COL9A3: variants seen among roughly 807,000 people sequenced by gnomAD.
COL9A3 encodes the protein collagen type IX alpha 3 chain, also known as collagen alpha-3(IX) chain.
In COL9A3, 82 loss-of-function variants were observed where a neutral mutation model predicts 110.2. The observed-to-expected ratio is 0.74, with a 90% CI of 0.62 to 0.89. The LOEUF (loss-of-function observed/expected upper bound fraction) is 0.89, where lower values mean the gene tolerates loss of function less well. COL9A3 is among the 40% of genes least tolerant of loss of function. The pLI is 0.00. For synonymous variants in COL9A3, 494 were observed against 403.8 expected (o/e 1.22, Z -2.68); for missense variants, 1,066 against 981.3 (o/e 1.09, Z -1.15).
chr20:62,819,317 C>A (rs780852369), intron 4 of COL9A3, 24 bp downstream of exon 4: 11 of 1,597,420 alleles, frequency 6.9e-6, no homozygotes, highest in Non-Finnish European at 9.4e-6. Flanking sequence ...CCCCTCCCCG[C>A]CATGCCCCAC....
chr20:62,817,697 C>T (rs1990980733), intron 2 of COL9A3, 62 bp downstream of exon 2: 3 of 1,130,752 alleles, frequency 2.7e-6, no homozygotes, highest in African/African-American at 3.2e-5. Context: ...CCCCCACCTC[C>T]CTGAGCTCCC....
At chr20:62,817,326 G>A in intron 1 of COL9A3, 184 bp downstream of exon 1, 1 of 504,122 alleles carries the variant, frequency 2.0e-6, no homozygotes, top group African/African-American at 2.0e-5. Flanking sequence ...GTCCTCGCTG[G>A]CCCGGGTCGG....
At position 62,828,805 on chromosome 20, in the gene COL9A3, C is replaced by T. The variant is rs771846276; in HGVS notation, c.942C>T (p.Leu314=). The stretch of plus-strand genomic sequence containing the variant: ...ACGGCCAGAATGGCGTGCCAGGACT[C>T]GATGGCCAGAAGGTTGGCATGGGGC... The part of the protein sequence containing the change: ...GKDGQNGVPG[L]DGQKGEAGRN... The change falls in exon 18 of 32, where the codon CTC becomes CTT. Residue 314 remains leucine, a synonymous_variant. Transcript: ENST00000649368. The T allele has an allele frequency of 2.5e-5, 40 of 1,612,678 alleles. No individual in the cohort carries two copies. Among genetic ancestry groups the T allele is most frequent in the Non-Finnish European group, 2.5e-5 (30 of 1,179,918 alleles).
intron 5 of COL9A3, among the ~76,000 whole-genome samples, chr20:62,820,347 T>TCA (rs1991079292): frequency 6.6e-6 from 1 of 152,086 alleles, no homozygotes; most frequent in Non-Finnish European, 1.5e-5. Flanking sequence ...CCCCTGTGCC[T>TCA]GCCTGTTGGA....
At chr20:62,816,993 G>A (rs1990942740), upstream of COL9A3, 2 of 920,204 alleles carry the variant, frequency 2.2e-6, no homozygotes. Flanking sequence ...AAGGGGAAGG[G>A]GCCGCCCACC....
At chr20:62,831,948 G>T in intron 24 of COL9A3, 1 of 643,170 alleles carries the variant, frequency 1.6e-6, no homozygotes. Flanking sequence ...TACCCACAAG[G>T]GGAGGCTGGA....
chr20:62,836,841 T>C, intron 29 of COL9A3: 1 of 645,770 alleles, frequency 1.5e-6, no homozygotes, highest in Non-Finnish European at 2.7e-6. Flanking sequence ...GCAGGGCAGG[T>C]CCCTAAACAC....
At chr20:62,836,954 C>A in intron 29 of COL9A3, 129 bp from the exon 30 acceptor site, 1 of 1,233,660 alleles carries the variant, frequency 8.1e-7, no homozygotes, top group South Asian at 1.2e-5. Flanking sequence ...GCAGTTAAAC[C>A]ATTTTCCATC....
chr20:62,829,617 T>C lies in COL9A3; in HGVS notation c.1054-11T>C. 1 of 1,609,878 alleles carries C rather than the reference T, an allele frequency of 6.2e-7. No homozygotes were observed. The highest frequency in any genetic ancestry group is 1.3e-5 in the African/African-American group (1 of 75,016). On this transcript the variant is annotated splice_polypyrimidine_tract_variant and intron_variant, in intron 20 of 31. Coordinates refer to ENST00000649368, the MANE Select transcript of COL9A3 (RefSeq NM_001853.4). The stretch of plus-strand genomic sequence containing the variant: ...TGTAGGCAGGCACTCACAGCTCTCC[T>C]TCCTCTACAGGGCAGAGCTGGGGAG...
chr20:62,822,695 T>G, intron 10 of COL9A3, 63 bp downstream of exon 10: 1 of 1,555,182 alleles, frequency 6.4e-7, no homozygotes, highest in Non-Finnish European at 8.8e-7. Flanking sequence ...GGAGGGGTTC[T>G]GGCCTGGAGA....
intron 26 of COL9A3, among the ~76,000 whole-genome samples, chr20:62,835,087 G>A (rs1227226759): frequency 3.3e-5 from 5 of 152,212 alleles, no homozygotes; most frequent in South Asian, 2.1e-4. Context: ...TCGCACGGTC[G>A]GGCTGTGTGA....
At chr20:62,827,363 C>A (rs2063562789) in intron 16 of COL9A3, 69 bp downstream of exon 16, 1 of 1,516,952 alleles carries the variant, frequency 6.6e-7, no homozygotes, top group Non-Finnish European at 9.1e-7. Flanking sequence ...CTGACTCGTG[C>A]TGGGGAGGGG....
intron 13 of COL9A3, 82 bp downstream of exon 13, chr20:62,825,952 G>A (rs1259073247): frequency 6.9e-7 from 1 of 1,446,118 alleles, no homozygotes; most frequent in Admixed American, 2.0e-5. Flanking sequence ...CTACCCCCGA[G>A]GGGGCCAGCT....
Position 62,836,291 on chromosome 20 carries a change from C to T in COL9A3, c.1506C>T (p.Gly502=), listed in dbSNP as rs373525882. The part of the protein sequence containing the change: ...PGPPGPLGLQ[G]VPGVPGITGK... ...CCCCCGGTCCTCTGGGCCTGCAGGG[C>T]GTCCCGGGTGTTCCTGGCATCACGG... The change falls in exon 28 of 32, where the codon GGC becomes GGT. Residue 502 remains glycine, a synonymous_variant. Coordinates refer to ENST00000649368, the MANE Select transcript of COL9A3 (RefSeq NM_001853.4). 98 of 1,613,842 alleles carry T rather than the reference C, an allele frequency of 6.1e-5. No homozygotes were observed. Among genetic ancestry groups the T allele is most frequent in the Middle Eastern group, 1.6e-4 (1 of 6,062 alleles).
At chr20:62,827,805 G>A in intron 16 of COL9A3, 118 bp from the exon 17 acceptor site, 1 of 1,041,262 alleles carries the variant, frequency 9.6e-7, no homozygotes, top group South Asian at 1.3e-5. Flanking sequence ...GGTGGTCGGG[G>A]GTGGCCCCTG....
chr20:62,817,835 T>C (rs1200172672), intron 2 of COL9A3, 200 bp downstream of exon 2: 24 of 678,584 alleles, frequency 3.5e-5, no homozygotes, highest in Admixed American at 2.6e-4. Context: ...GAGGGTGTCA[T>C]GTGGTGGTCC....
intron 30 of COL9A3, among the ~76,000 whole-genome samples, 191 bp downstream of exon 30, chr20:62,837,456 CAT>C (rs577471129): frequency 2.0e-4 from 31 of 152,336 alleles, no homozygotes; most frequent in South Asian, 4.1e-4. Flanking sequence ...ACATTTTTAA[CAT>C]GTGATGTTTT....
intron 26 of COL9A3, among the ~76,000 whole-genome samples, chr20:62,833,472 C>T (rs528979858): frequency 6.6e-6 from 1 of 152,282 alleles, no homozygotes; most frequent in South Asian, 2.1e-4. Context: ...GGCGCGATCT[C>T]GGCTCGCTGC....
intron 27 of COL9A3, 70 bp from the exon 28 acceptor site, chr20:62,836,117 A>G (rs946215112): frequency 8.1e-6 from 13 of 1,605,246 alleles, no homozygotes; most frequent in Non-Finnish European, 1.0e-5. Flanking sequence ...GCCGGCTGGG[A>G]AAGAGCACGT....
Sources: gnomAD v4.1 joint callset for allele counts (sites outside exome capture counted in the v4.1 genomes callset) on GRCh38, gnomAD v4.1.1 for gene constraint, MANE v1.5 for transcripts, NCBI Gene and HGNC (gene_info 2026-07-23, HGNC 2026-07-21) for gene names.